Variants in COL4A5 observed in about 807,000 individuals in gnomAD.
COL4A5 encodes collagen alpha-5(IV) chain.
In COL4A5, 26 loss-of-function variants were observed where a neutral mutation model predicts 130.2. The ratio of observed to expected loss-of-function variants is 0.20; its 90% CI spans 0.15 to 0.28. The LOEUF (loss-of-function observed/expected upper bound fraction) is 0.28. Ranked by LOEUF, COL4A5 falls within the 10% of genes least tolerant of loss-of-function variation. The pLI, the probability that COL4A5 is intolerant of heterozygous loss-of-function variation, is 1.00. For missense variants in COL4A5, 1,131 were observed against 1,344.3 expected (o/e 0.84, Z 2.48); for synonymous variants, 496 against 439.6 (o/e 1.13, Z -1.60).
Position 108,578,137 on chromosome X carries a change from GC to G in COL4A5, c.687+19del. ...GTGAAAAAGTGAGTAAAGAAAGAGA[GC>G]TGGTTATTCAGCCCTCAGCTTTCTC... On this transcript the variant is annotated intron_variant, in intron 12 of 52. Transcript: ENST00000328300. The G allele has an allele frequency of 8.3e-7, 1 of 1,206,152 alleles. No homozygotes were observed. Among genetic ancestry groups the G allele is most frequent in the Non-Finnish European group, 1.1e-6 (1 of 890,958 alleles).
At position 108,666,677 on chromosome X, in the gene COL4A5, T is replaced by C. The variant is rs1247285427; in HGVS notation, c.3553+83T>C. ...TGCCTTTTTATTACCCACAGTGAAA[T>C]TGTATCTTCTTTCTTACTAAGCTAC... is the stretch of plus-strand genomic sequence containing the variant. On this transcript the variant is annotated intron_variant, in intron 39 of 52. Transcript: ENST00000328300. 6 of 789,507 alleles carry C rather than the reference T, an allele frequency of 7.6e-6. No individual in the cohort carries two copies. In the African/African-American group the frequency reaches 1.3e-4, roughly 17 times the overall value. The allele number at this position is 789,507 out of a possible 1,213,427, so 65.1% of individuals were successfully genotyped here. A position where few individuals can be genotyped will look rare whatever the true frequency, so the allele number is the denominator to read the frequency against.
chrX:108,680,665 T>C lies in COL4A5; in HGVS notation c.3943-14T>C. The C allele has an allele frequency of 8.3e-7, 1 of 1,202,053 alleles. No homozygotes were observed. On this transcript the variant is annotated splice_polypyrimidine_tract_variant and intron_variant, in intron 44 of 52. Transcript: ENST00000328300. ...TGCAATTTTTTTGTAACATTAATGATTTTATTTATTCAGGGTAATCCTGGC... is the reference window on the plus strand; with the variant it reads ...TGCAATTTTTTTGTAACATTAATGACTTTATTTATTCAGGGTAATCCTGGC...
intron 21 of COL4A5, among the ~76,000 whole-genome samples, chrX:108,591,931 T>C (rs1434740450): frequency 9.0e-6 from 1 of 111,525 alleles, no homozygotes; most frequent in Non-Finnish European, 1.9e-5. Flanking sequence ...TTTGATGTCC[T>C]TTCTTCCCTC....
intron 38 of COL4A5, 109 bp from the exon 39 acceptor site, chrX:108,666,387 G>A (rs926029887): frequency 4.6e-5 from 25 of 548,229 alleles, no homozygotes; most frequent in Non-Finnish European, 7.0e-5. Context: ...ATCCAAAGGA[G>A]TGTCTCAAAA....
intron 37 of COL4A5, 145 bp downstream of exon 37, chrX:108,655,602 A>C: frequency 1.4e-6 from 1 of 708,827 alleles, no homozygotes. Flanking sequence ...CTATCTCTTT[A>C]CCTTTTCTTT....
At chrX:108,631,746 A>C (rs2067265139) in intron 36 of COL4A5, among the ~76,000 whole-genome samples, 1 of 111,678 alleles carries the variant, frequency 9.0e-6, no homozygotes. Context: ...GTACATAATG[A>C]AATTAAGGCA....
intron 2 of COL4A5, 97 bp downstream of exon 2, chrX:108,539,902 TTAAG>T (rs2065511211): frequency 6.0e-6 from 4 of 668,166 alleles, no homozygotes; most frequent in African/African-American, 2.2e-5. Context: ...ATCTCAGTAC[TTAAG>T]TAAGTGAAAT....
chrX:108,580,766 T>C, intron 15 of COL4A5, 28 bp downstream of exon 15: 2 of 1,176,441 alleles, frequency 1.7e-6, no homozygotes, highest in Non-Finnish European at 2.3e-6. Context: ...TAATATTCTT[T>C]GCAAAAAAAT....
intron 29 of COL4A5, among the ~76,000 whole-genome samples, chrX:108,607,688 T>C (rs973662498): frequency 1.8e-5 from 2 of 110,589 alleles, no homozygotes; most frequent in African/African-American, 6.6e-5. Context: ...TTCACCATGT[T>C]GGCCAGGCTG....
chrX:108,568,265 C>A (rs1160355649), intron 4 of COL4A5, among the ~76,000 whole-genome samples: 2 of 111,116 alleles, frequency 1.8e-5, no homozygotes, highest in African/African-American at 6.6e-5. Flanking sequence ...CTATTAATGT[C>A]TTCAGTGGAA....
intron 6 of COL4A5, among the ~76,000 whole-genome samples, chrX:108,570,334 C>T (rs187467450): frequency 2.1e-4 from 23 of 111,224 alleles, no homozygotes; most frequent in African/African-American, 6.5e-4. Context: ...TTTTTATTTA[C>T]TTATTTATTT....
intron 36 of COL4A5, among the ~76,000 whole-genome samples, chrX:108,654,507 A>T (rs368842139): frequency 8.9e-6 from 1 of 112,728 alleles, no homozygotes; most frequent in African/African-American, 3.2e-5. Flanking sequence ...CTGTAGTGGC[A>T]TGATCACGGC....
intron 13 of COL4A5, 50 bp from the exon 14 acceptor site, chrX:108,580,483 A>G (rs1193230204): frequency 3.9e-6 from 4 of 1,036,789 alleles, no homozygotes; most frequent in Middle Eastern, 3.6e-4. Flanking sequence ...TAGAATGAAA[A>G]TGCATGTTCC....
At chrX:108,624,176 A>C (rs901098768) in intron 33 of COL4A5, 60 bp from the exon 34 acceptor site, 2 of 1,006,012 alleles carry the variant, frequency 2.0e-6, no homozygotes, top group East Asian at 6.2e-5. Context: ...TGCTTTGCCA[A>C]AGTTATTTCA....
chrX:108,608,911 G>T (rs1469561033), intron 29 of COL4A5, among the ~76,000 whole-genome samples: 1 of 111,436 alleles, frequency 9.0e-6, no homozygotes, highest in Non-Finnish European at 1.9e-5. Context: ...GAAACATACG[G>T]TATGTACTTT....
chrX:108,674,236 G>A (rs766290625), intron 42 of COL4A5, among the ~76,000 whole-genome samples: 6 of 110,954 alleles, frequency 5.4e-5, no homozygotes, highest in Non-Finnish European at 9.4e-5. Flanking sequence ...TGCCAATGAG[G>A]CCTTTAAAGT....
At chrX:108,689,881 T>G (rs1263742456) in intron 49 of COL4A5, 3 of 752,823 alleles carry the variant, frequency 4.0e-6, no homozygotes, top group African/African-American at 2.3e-5. Flanking sequence ...TGGGAGTATA[T>G]GGGATCACTC....
chrX:108,686,003 A>G (rs1284825311), intron 47 of COL4A5, 28 bp from the exon 48 acceptor site: 1 of 1,129,531 alleles, frequency 8.9e-7, no homozygotes, highest in East Asian at 3.0e-5. Flanking sequence ...TTCTACTCAT[A>G]TTTGAATGCC....
intron 32 of COL4A5, among the ~76,000 whole-genome samples, chrX:108,622,286 G>A (rs776386408): frequency 2.4e-4 from 26 of 110,621 alleles, no homozygotes; most frequent in East Asian, 1.1e-3. Context: ...CTGCCACCAC[G>A]CCCGGCTAAT....
Sources: allele counts gnomAD v4.1 joint callset (sites outside exome capture counted in the v4.1 genomes callset), GRCh38; gene constraint gnomAD v4.1.1; transcripts MANE v1.5; gene names NCBI Gene and HGNC (gene_info 2026-07-23, HGNC 2026-07-21).